Variants in LCA5L observed in about 807,000 individuals in gnomAD.
LCA5L encodes lebercilin-like protein.
Under a neutral mutation model 45.4 loss-of-function variants are expected in LCA5L, and 35 were observed. The observed-to-expected ratio is 0.77, with a 90% CI of 0.59 to 1.02. The LOEUF is 1.02. Ranked by LOEUF, LCA5L falls within the 50% of genes least tolerant of loss-of-function variation. LCA5L has a pLI of 0.00. For synonymous variants in LCA5L, 233 were observed against 264.7 expected, an observed-to-expected ratio of 0.88 and a Z score of 1.16; for missense variants, 668 against 761.6, an observed-to-expected ratio of 0.88 and a Z score of 1.45.
intron 3 of LCA5L, among the ~76,000 whole-genome samples, chr21:39,432,041 T>G (rs2075788196): frequency 6.6e-6 from 1 of 152,230 alleles, no homozygotes; most frequent in South Asian, 2.1e-4. Context: ...ATCCATATCC[T>G]AAGACACTGA....
intron 3 of LCA5L, among the ~76,000 whole-genome samples, chr21:39,434,077 T>G (rs1042374439): frequency 1.5e-4 from 23 of 152,148 alleles, no homozygotes; most frequent in African/African-American, 5.3e-4. Context: ...TTCCCAGGAC[T>G]CCAGAACCAT....
chr21:39,428,295 AATC>A lies in LCA5L; in HGVS notation c.196_198del (p.Asp66del). The stretch of plus-strand genomic sequence containing the variant: ...CAATCACAGAGAAAGTCTTCTGAAT[AATC>A]ATACTGAGAACTTAAACTTCCACAG... On this transcript the variant is annotated inframe_deletion, in exon 5 of 11. Transcript: ENST00000288350. 1 of 1,611,976 alleles carries A rather than the reference AATC, an allele frequency of 6.2e-7. No homozygotes were observed. The highest frequency in any genetic ancestry group is 8.5e-7 in the Non-Finnish European group (1 of 1,178,198).
chr21:39,443,334 A>T (rs2148349885), intron 2 of LCA5L: 1 of 152,380 alleles, frequency 6.6e-6, no homozygotes, highest in South Asian at 2.1e-4. Context: ...ATGCTTCAAA[A>T]CCATGGCAAA....
rs1009522613 is a variant in LCA5L at position 39,428,372 on chromosome 21, T to C, written c.122A>G (p.Asn41Ser). Residue 41 changes from asparagine to serine, a missense_variant, in exon 5 of 11, where the codon AAC becomes AGC. By Grantham distance (46) the Asn-to-Ser change is conservative (BLOSUM62 1). Coordinates refer to ENST00000288350, the MANE Select transcript of LCA5L (RefSeq NM_152505.4). ...AACACTCTTATTGGAAGCATTACTG[T>C]TCCGTGAAAAATCGCCTGTGCCTGG... ...RSPGTGDFSR[N>S]SNASNKSVDY... The C allele has an allele frequency of 6.2e-7, 1 of 1,613,572 alleles. No homozygotes were observed. Among genetic ancestry groups the C allele is most frequent in the Non-Finnish European group, 8.5e-7 (1 of 1,179,904 alleles).
intron 7 of LCA5L, among the ~76,000 whole-genome samples, chr21:39,416,794 C>T (rs970512749): frequency 1.4e-4 from 22 of 152,186 alleles, no homozygotes; most frequent in Non-Finnish European, 2.9e-4. Flanking sequence ...TATATCATTA[C>T]TAAACAGTGT....
At chr21:39,419,567 T>C (rs2041935587) in intron 7 of LCA5L, among the ~76,000 whole-genome samples, 1 of 151,692 alleles carries the variant, frequency 6.6e-6, no homozygotes, top group Admixed American at 6.6e-5. Context: ...AGGGAAATTA[T>C]TGATATAGTG....
intron 6 of LCA5L, 154 bp downstream of exon 6, chr21:39,422,822 T>G (rs2147718628): frequency 2.8e-6 from 2 of 703,776 alleles, no homozygotes; most frequent in South Asian, 3.9e-5. Flanking sequence ...TCCCTTTCTG[T>G]GCCCTCTATT....
intron 7 of LCA5L, among the ~76,000 whole-genome samples, chr21:39,412,773 C>A (rs1477837225): frequency 6.6e-6 from 1 of 152,156 alleles, no homozygotes; most frequent in Non-Finnish European, 1.5e-5. Flanking sequence ...AAATTGCAAG[C>A]CCCTTAAAAA....
At chr21:39,419,523 CAAAAAAA>C (rs5843964) in intron 7 of LCA5L, among the ~76,000 whole-genome samples, 1 of 123,556 alleles carries the variant, frequency 8.1e-6, no homozygotes, top group Non-Finnish European at 1.6e-5. Context: ...AGACCCTGTT[CAAAAAAA>C]AAAAAGAAAA....
chr21:39,435,785 G>A (rs1159275105), intron 2 of LCA5L, among the ~76,000 whole-genome samples: 2 of 152,028 alleles, frequency 1.3e-5, no homozygotes, highest in Non-Finnish European at 2.9e-5. Flanking sequence ...ACAGGCGCCC[G>A]CCACCATGCC....
At position 39,420,747 on chromosome 21, in the gene LCA5L, T is replaced by C; in HGVS notation, c.934A>G (p.Thr312Ala). The C allele has an allele frequency of 2.5e-6, 4 of 1,613,514 alleles. No individual in the cohort carries two copies. Among genetic ancestry groups the C allele is most frequent in the Non-Finnish European group, 3.4e-6 (4 of 1,179,524 alleles). The change falls in exon 7 of 11, where the codon ACT becomes GCT. Residue 312 changes from threonine (T) to alanine (A), a missense_variant. By Grantham distance (58) the Thr-to-Ala change is moderately conservative (BLOSUM62 0). Transcript: ENST00000288350. ...AGGTGTTTTACTTCCACCTGCAGAG[T>C]CTTGGTAGCTGTCTGAGCTGCTAAA... ...KTLAAQTATKTLQVEVKHLQQ... is the reference protein window; with the variant it reads ...KTLAAQTATKALQVEVKHLQQ...
At chr21:39,432,664 T>C (rs2075858013) in intron 3 of LCA5L, among the ~76,000 whole-genome samples, 1 of 152,200 alleles carries the variant, frequency 6.6e-6, no homozygotes, top group South Asian at 2.1e-4. Context: ...ATTCCTCTCA[T>C]CCTTCCCTGC....
intron 2 of LCA5L, among the ~76,000 whole-genome samples, chr21:39,440,018 T>C (rs1454788918): frequency 6.6e-6 from 1 of 152,208 alleles, no homozygotes; most frequent in Non-Finnish European, 1.5e-5. Flanking sequence ...CAAGGAGTTA[T>C]ATACAGTTAC....
Position 39,406,379 on chromosome 21 carries a change from G to C in LCA5L, c.1516C>G (p.Leu506Val). The change falls in exon 11 of 11, where the codon CTT (leucine) becomes GTT (valine). Residue 506 changes from leucine to valine, a missense_variant. Transcript: ENST00000288350. ...GTGTAGGGAGCAGTGCCTTTGCCAA[G>C]TGTGTCATCCACACCATTTCTCTGC... ...SMQRNGVDDT[L>V]GKGTAPYTKG... is the part of the protein sequence containing the mutation. The C allele has an allele frequency of 6.2e-7, 1 of 1,614,178 alleles. No individual in the cohort carries two copies. The highest frequency in any genetic ancestry group is 8.5e-7 in the Non-Finnish European group (1 of 1,180,034).
chr21:39,436,223 C>T (rs1467178729), intron 2 of LCA5L: 1 of 152,006 alleles, frequency 6.6e-6, no homozygotes, highest in East Asian at 1.9e-4. Flanking sequence ...ATTGTAAGCA[C>T]TGGATTGTAT....
chr21:39,441,007 T>A (rs56758701), intron 2 of LCA5L, among the ~76,000 whole-genome samples: 6,502 of 152,174 alleles, frequency 0.043, 433 homozygotes, highest in African/African-American at 0.15. Context: ...ATTTTGCGAG[T>A]CACTCTAAAC....
At chr21:39,430,488 C>T (rs1320361369) in intron 3 of LCA5L, among the ~76,000 whole-genome samples, 3 of 152,226 alleles carry the variant, frequency 2.0e-5, no homozygotes, top group East Asian at 1.9e-4. Flanking sequence ...GAAGGCAGAC[C>T]GGCTTGGGTT....
At position 39,441,557 on chromosome 21, in the gene LCA5L, T is replaced by G. The variant is rs545545133; in HGVS notation, c.-246+2578A>C. On this transcript the variant is annotated intron_variant, in intron 2 of 10. Transcript: ENST00000288350. The stretch of plus-strand genomic sequence containing the variant: ...ATGAAAATGTGCCACGTTCAAAGTT[T>G]GGATGGTTACAGACTAGCTATGCTA... Among the ~76,000 whole-genome samples, 28 of 152,340 alleles carry G rather than the reference T, an allele frequency of 1.8e-4. 1 individual carries two copies. The South Asian group carries it at 5.8e-3, about 32-fold the overall frequency.
intron 7 of LCA5L, among the ~76,000 whole-genome samples, chr21:39,412,413 T>C (rs1207047997): frequency 6.6e-6 from 1 of 152,200 alleles, no homozygotes; most frequent in Non-Finnish European, 1.5e-5. Flanking sequence ...CCTTAACTTG[T>C]TGAGGAACAA....
Sources: gnomAD v4.1 joint callset for allele counts (sites outside exome capture counted in the v4.1 genomes callset) on GRCh38, gnomAD v4.1.1 for gene constraint, MANE v1.5 for transcripts, NCBI Gene and HGNC (gene_info 2026-07-23, HGNC 2026-07-21) for gene names.